The following C19orf38 variants were observed in gnomAD, a reference collection of about 807,000 sequenced individuals.
C19orf38 encodes the protein protein HIDE1.
A neutral mutation model predicts 26.6 loss-of-function variants in C19orf38; 14 were observed. That is an observed-to-expected ratio of 0.53 (90% CI 0.35 to 0.82). The LOEUF (loss-of-function observed/expected upper bound fraction) is 0.82. Ranked by LOEUF, C19orf38 falls within the 40% of genes least tolerant of loss-of-function variation. C19orf38 has a pLI of 0.01. For missense variants in C19orf38, 261 were observed against 299.5 expected, an observed-to-expected ratio of 0.87 and a Z score of 0.95; for synonymous variants, 132 against 128.5, an observed-to-expected ratio of 1.03 and a Z score of -0.18.
intron 1 of C19orf38, among the ~76,000 whole-genome samples, chr19:10,837,802 C>G (rs377307672): frequency 3.3e-5 from 5 of 150,798 alleles, no homozygotes; most frequent in African/African-American, 1.2e-4. Flanking sequence ...CCACTGCACC[C>G]GGCCGGATTT....
rs576224076 is a variant in C19orf38 at position 10,863,252 on chromosome 19, T to A, written c.543+45T>A. On this transcript the variant is annotated intron_variant, in intron 6 of 6. Transcript: ENST00000397820. ...GGAACCGGTTTTCTGCTGACCGTCC[T>A]ACCGGGAGAACGGGGCGGGCTCAAG... 13 of 1,539,492 alleles carry A rather than the reference T, an allele frequency of 8.4e-6. No homozygotes were observed. In the African/African-American group the frequency reaches 1.4e-4, roughly 16 times the overall value.
rs553277108 is a variant in C19orf38 at position 10,850,389 on chromosome 19, G to A, written c.162G>A (p.Gly54=). The change falls in exon 2 of 7, where the codon GGG becomes GGA. Residue 54 remains glycine (G), a synonymous_variant. Coordinates refer to ENST00000397820, the MANE Select transcript of C19orf38 (RefSeq NM_001136482.3). ...FPGANFTLYR[G]GQVVQLLQAP... is the part of the protein sequence containing the mutation. ...GGGCGAATTTCACACTGTATCGAGG[G>A]GGGCAGGTGGTCCAGCTCCTGCAGG... The A allele has an allele frequency of 6.4e-7, 1 of 1,550,810 alleles. No homozygotes were observed. Among genetic ancestry groups the A allele is most frequent in the South Asian group, 1.2e-5 (1 of 83,996 alleles).
At chr19:10,847,162 T>C (rs571707191), upstream of C19orf38, among the ~76,000 whole-genome samples, 3 of 152,174 alleles carry the variant, frequency 2.0e-5, no homozygotes, top group African/African-American at 7.2e-5. Context: ...AACTTGGAAG[T>C]TTCTGGGCTG....
At chr19:10,859,290 G>GTGTGTGTGTGTA (rs1555721420) in intron 4 of C19orf38, among the ~76,000 whole-genome samples, 5 of 131,540 alleles carry the variant, frequency 3.8e-5, no homozygotes, top group African/African-American at 1.2e-4. Context: ...ATGTGTGTGT[G>GTGTGTGTGTGTA]TATATGTGTG....
chr19:10,858,400 C>A, intron 4 of C19orf38, 57 bp downstream of exon 4: 1 of 1,487,434 alleles, frequency 6.7e-7, no homozygotes, highest in Non-Finnish European at 9.1e-7. Flanking sequence ...GGACACTTCC[C>A]TGGCAGGGTG....
chr19:10,869,469 G>C lies in C19orf38; in HGVS notation c.*102G>C. 7.2e-7 allele frequency: 1 copy of C among 1,397,028 alleles called. No individual in the cohort carries two copies. The highest frequency in any genetic ancestry group is 1.5e-5 in the South Asian group (1 of 67,068). The allele number at this position is 1,397,028 out of a possible 1,614,324, so 86.5% of individuals were successfully genotyped here. A position where few individuals can be genotyped will look rare whatever the true frequency, so the allele number is the denominator to read the frequency against. On this transcript the variant is annotated 3_prime_UTR_variant, in exon 7 of 7. Coordinates refer to ENST00000397820, the MANE Select transcript of C19orf38 (RefSeq NM_001136482.3). Reference sequence around the variant, plus strand: ...CTGTCAGCCACTTTCTCAGGGAATTGGACAGAGGAAAGGAAGGGGAACCCT... The same window carrying C: ...CTGTCAGCCACTTTCTCAGGGAATTCGACAGAGGAAAGGAAGGGGAACCCT...
At chr19:10,836,792 G>A (rs935666541) in intron 1 of C19orf38, 1 of 152,544 alleles carries the variant, frequency 6.6e-6, no homozygotes, top group Admixed American at 6.5e-5. Flanking sequence ...GTGATGGAAC[G>A]ACCACCCTGT....
intron 1 of C19orf38, among the ~76,000 whole-genome samples, chr19:10,837,123 G>A (rs1047512106): frequency 2.0e-5 from 3 of 152,236 alleles, no homozygotes; most frequent in African/African-American, 7.2e-5. Context: ...CTACTGGGCT[G>A]TCTTTAGGAT....
At chr19:10,846,893 A>G (rs1040950078), upstream of C19orf38, among the ~76,000 whole-genome samples, 6 of 152,194 alleles carry the variant, frequency 3.9e-5, no homozygotes, top group African/African-American at 7.2e-5. Context: ...CAGAAGTGCT[A>G]TTTAAACTGA....
chr19:10,836,748 GGCATCAGC>G (rs2146229596), exon 1 of C19orf38: 1 of 152,936 alleles, frequency 6.5e-6, no homozygotes, highest in Admixed American at 6.5e-5. Context: ...GCGCCTTAGA[GGCATCAGC>G]GTATCAGTTT....
chr19:10,867,951 C>A (rs1410476386), intron 6 of C19orf38, among the ~76,000 whole-genome samples: 1 of 152,066 alleles, frequency 6.6e-6, no homozygotes, highest in Admixed American at 6.6e-5. Flanking sequence ...CCGTGCCCAG[C>A]CTGTTCTTCC....
chr19:10,859,881 G>T (rs1361230034), intron 4 of C19orf38, 34 bp from the exon 5 acceptor site: 1 of 1,547,838 alleles, frequency 6.5e-7, no homozygotes. Flanking sequence ...GGGCAACCCT[G>T]ATCCCTGTCA....
In C19orf38 at chr19:10,869,681, G is replaced by C. The variant is rs1171782767; in HGVS notation, c.*314G>C. On this transcript the variant is annotated 3_prime_UTR_variant, in exon 7 of 7. Coordinates refer to ENST00000397820, the MANE Select transcript of C19orf38 (RefSeq NM_001136482.3). ...CGTCCCAGGTCTCTGCACACCCGTGGAATTCCTCCCTTCCCCAGTGGGTTT... is the reference window on the plus strand; with the variant it reads ...CGTCCCAGGTCTCTGCACACCCGTGCAATTCCTCCCTTCCCCAGTGGGTTT... The C allele has an allele frequency of 3.0e-6, 1 of 328,206 alleles. No individual in the cohort carries two copies. The highest frequency in any genetic ancestry group is 2.2e-5 in the African/African-American group (1 of 46,210). The allele number at this position is 328,206 out of a possible 1,614,324, so 20.3% of individuals were successfully genotyped here.
At position 10,869,240 on chromosome 19, in the gene C19orf38, C is replaced by T. The variant is rs762189394; in HGVS notation, c.566C>T (p.Pro189Leu). 9.7e-6 allele frequency: 15 copies of T among 1,551,564 alleles called. No individual in the cohort carries two copies. Among genetic ancestry groups the T allele is most frequent in the Non-Finnish European group, 1.2e-5 (14 of 1,146,998 alleles). The change falls in exon 7 of 7, where the codon CCG becomes CTG. Residue 189 changes from proline to leucine, a missense_variant. By Grantham distance (98) the Pro-to-Leu change is moderately conservative (BLOSUM62 -3). Transcript: ENST00000397820. ...VSAKTMPEED[P>L]ATLDDHSGTT... The stretch of plus-strand genomic sequence containing the variant: ...AAGAAAACGATGCCAGAAGAAGACC[C>T]GGCCACCTTGGATGATCACTCAGGC...
upstream of C19orf38, among the ~76,000 whole-genome samples, chr19:10,848,202 A>C (rs1227804039): frequency 2.0e-5 from 3 of 152,138 alleles, no homozygotes; most frequent in Non-Finnish European, 4.4e-5. Context: ...AAAAATAAAA[A>C]TAAAAAAAGA....
intron 1 of C19orf38, among the ~76,000 whole-genome samples, chr19:10,849,215 C>A (rs1275372733): frequency 6.6e-6 from 1 of 151,850 alleles, no homozygotes; most frequent in Admixed American, 6.6e-5. Flanking sequence ...GAGACAGGGT[C>A]TCACTGTGTT....
chr19:10,848,238 A>G (rs892904442), upstream of C19orf38, among the ~76,000 whole-genome samples: 1 of 151,684 alleles, frequency 6.6e-6, no homozygotes, highest in East Asian at 1.9e-4. Flanking sequence ...AACCACCTAA[A>G]CATCTCATCC....
intron 3 of C19orf38, among the ~76,000 whole-genome samples, chr19:10,857,356 ATATATATATATTTTT>A (rs1568336494): frequency 2.5e-5 from 2 of 80,388 alleles, no homozygotes; most frequent in Non-Finnish European, 4.2e-5. Flanking sequence ...ATATATATAT[ATATATATATATTTTT>A]TTTTTTTTTT....
At chr19:10,841,821 T>C in intron 1 of C19orf38, 1 of 1,290,706 alleles carries the variant, frequency 7.7e-7, no homozygotes, top group South Asian at 1.2e-5. Context: ...AAAACATTTT[T>C]TAAAAAATTA....
Sources: gnomAD v4.1 joint callset for allele counts (sites outside exome capture counted in the v4.1 genomes callset) on GRCh38, gnomAD v4.1.1 for gene constraint, MANE v1.5 for transcripts, NCBI Gene and HGNC (gene_info 2026-07-23, HGNC 2026-07-21) for gene names.